DGKB: variants seen among roughly 807,000 people sequenced by gnomAD.
DGKB encodes the protein 90 kDa diacylglycerol kinase.
Under a neutral mutation model 114.3 loss-of-function variants are expected in DGKB, and 67 were observed. The observed-to-expected ratio is 0.59, with a 90% CI of 0.48 to 0.72. DGKB has a LOEUF of 0.72. Among genes scored for constraint, DGKB ranks in the 30% least tolerant of loss-of-function variants. The pLI is 0.00. For missense variants in DGKB, 907 were observed against 975.2 expected (o/e 0.93, Z 0.93); for synonymous variants, 398 against 323.1 (o/e 1.23, Z -2.49).
In DGKB at chr7:14,613,425, G is replaced by T; in HGVS notation, c.1285-12C>A. 1.3e-6 allele frequency: 2 copies of T among 1,496,032 alleles called. No homozygotes were observed. Among genetic ancestry groups the T allele is most frequent in the African/African-American group, 1.4e-5 (1 of 72,018 alleles). 92.7% of individuals were successfully genotyped at this position (1,496,032 alleles called of 1,614,324 possible). On this transcript the variant is annotated splice_polypyrimidine_tract_variant and intron_variant, in intron 15 of 25. Coordinates refer to ENST00000402815, the MANE Select transcript of DGKB (RefSeq NM_001350709.2). ...GGCACAGGAGTGACCTATAAGAAAA[G>T]TTATATACATGGAAAAATTATTAGG...
chr7:14,525,963 T>C (rs928550524), intron 20 of DGKB, among the ~76,000 whole-genome samples: 2 of 152,174 alleles, frequency 1.3e-5, no homozygotes, highest in Non-Finnish European at 1.5e-5. Context: ...ATTTTACATA[T>C]GCTGAAAAAT....
chr7:14,618,074 T>A (rs139754259), intron 15 of DGKB, among the ~76,000 whole-genome samples: 1 of 151,452 alleles, frequency 6.6e-6, no homozygotes, highest in Non-Finnish European at 1.5e-5. Context: ...GTGCTAAGTA[T>A]GAAACAGTCA....
chr7:14,278,224 A>G (rs1383649410), intron 23 of DGKB, among the ~76,000 whole-genome samples: 8 of 148,584 alleles, frequency 5.4e-5, no homozygotes, highest in Admixed American at 5.3e-4. Context: ...GGGGCATCAC[A>G]TGCCCTGAGT....
rs146776435 is a variant in DGKB at position 14,913,190 on chromosome 7, A to T, written c.-188+61506T>A. ...TCTCTGCCCTGAAAGATTGATGGCG[A>T]TGTGACCTTTTCCTTGCTTTGTTTG... On this transcript the variant is annotated intron_variant, in intron 1 of 4. Transcript: ENST00000437998. Among the ~76,000 whole-genome samples, 114 of 152,008 alleles carry T rather than the reference A, an allele frequency of 7.5e-4. 1 individual carries two copies. In the East Asian group the frequency reaches 0.014, roughly 19 times the overall value.
chr7:14,313,998 C>T (rs1000250401), intron 23 of DGKB, among the ~76,000 whole-genome samples: 8 of 152,112 alleles, frequency 5.3e-5, no homozygotes, highest in African/African-American at 1.5e-4. Context: ...AGTTTAACTG[C>T]GAGGCACCCT....
intron 2 of DGKB, among the ~76,000 whole-genome samples, chr7:14,798,806 T>C (rs1472009064): frequency 6.6e-6 from 1 of 152,222 alleles, no homozygotes. Flanking sequence ...AGTTCCAGAA[T>C]GCCTAATTGT....
intron 1 of DGKB, among the ~76,000 whole-genome samples, chr7:14,926,515 G>T (rs1461459528): frequency 6.7e-6 from 1 of 149,424 alleles, no homozygotes. Flanking sequence ...TTTTTTTAGT[G>T]GTAAGTGGGA....
chr7:14,170,224 G>A (rs1290536268), intron 25 of DGKB, among the ~76,000 whole-genome samples: 3 of 150,966 alleles, frequency 2.0e-5, no homozygotes, highest in African/African-American at 7.3e-5. Context: ...CCTCTGAAGA[G>A]TGACTGAGTG....
At chr7:14,806,610 T>A (rs977244970) in intron 2 of DGKB, among the ~76,000 whole-genome samples, 1 of 152,092 alleles carries the variant, frequency 6.6e-6, no homozygotes, top group Non-Finnish European at 1.5e-5. Context: ...TCTTAACTCA[T>A]GTGGCACCTC....
chr7:14,654,999 G>T (rs1052621350), intron 13 of DGKB, among the ~76,000 whole-genome samples: 2 of 151,774 alleles, frequency 1.3e-5, no homozygotes, highest in East Asian at 3.9e-4. Flanking sequence ...GGTTACAAAG[G>T]CACAGGTACC....
intron 19 of DGKB, among the ~76,000 whole-genome samples, chr7:14,575,753 A>G (rs1400725077): frequency 6.6e-6 from 1 of 152,146 alleles, no homozygotes; most frequent in Non-Finnish European, 1.5e-5. Flanking sequence ...TCGGAACAAC[A>G]TTTTCAGTTT....
Position 14,176,821 on chromosome 7 carries a change from C to G in DGKB, c.2304+18G>C, listed in dbSNP as rs769108229. On this transcript the variant is annotated intron_variant, in intron 25 of 25. Transcript: ENST00000402815. Reference sequence around the variant, plus strand: ...CAAAACTGAGATTGACATAGCATATCAACTACTCTGTACTCACTGTGCATG... The same window carrying G: ...CAAAACTGAGATTGACATAGCATATGAACTACTCTGTACTCACTGTGCATG... 1 of 1,607,950 alleles carries G rather than the reference C, an allele frequency of 6.2e-7. No individual in the cohort carries two copies. The highest frequency in any genetic ancestry group is 2.2e-5 in the East Asian group (1 of 44,638).
At chr7:14,205,555 A>G (rs769358194) in intron 23 of DGKB, among the ~76,000 whole-genome samples, 21 of 152,016 alleles carry the variant, frequency 1.4e-4, no homozygotes, top group Non-Finnish European at 2.8e-4. Flanking sequence ...GTTTTAAAAA[A>G]TAAGTGGATT....
chr7:14,729,135 T>TTTCTTTTTTTTC (rs1830473576), intron 5 of DGKB, among the ~76,000 whole-genome samples: 1 of 146,848 alleles, frequency 6.8e-6, no homozygotes, highest in African/African-American at 2.5e-5. Context: ...TTTTTTTTTT[T>TTTCTTTTTTTTC]TTTTTTTGAT....
chr7:14,729,188 T>A (rs868048209), intron 5 of DGKB, among the ~76,000 whole-genome samples: 45 of 143,560 alleles, frequency 3.1e-4, no homozygotes, highest in African/African-American at 1.1e-3. Context: ...AGTGGCGCCA[T>A]CTCGGCTCAC....
chr7:14,212,387 A>ATTTACTCTCGTGTTTTGTGAT, intron 23 of DGKB, among the ~76,000 whole-genome samples: 13 of 20,272 alleles, frequency 6.4e-4, no homozygotes, highest in Non-Finnish European at 9.3e-4. Flanking sequence ...GTTTTGTGAT[A>ATTTACTCTCGTGTTTTGTGAT]TTTACTCTCA....
At chr7:14,316,219 A>G (rs1022709348) in intron 23 of DGKB, among the ~76,000 whole-genome samples, 1 of 151,954 alleles carries the variant, frequency 6.6e-6, no homozygotes, top group Non-Finnish European at 1.5e-5. Context: ...TCACAATTAA[A>G]AGAACTAGAA....
At chr7:14,533,081 T>TC (rs1017022790) in intron 20 of DGKB, among the ~76,000 whole-genome samples, 19 of 151,932 alleles carry the variant, frequency 1.3e-4, no homozygotes, top group African/African-American at 4.6e-4. Flanking sequence ...AAACTAATTA[T>TC]CTTTAATAAA....
chr7:14,965,974 C>G (rs1167299006), intron 1 of DGKB, among the ~76,000 whole-genome samples: 7 of 152,112 alleles, frequency 4.6e-5, no homozygotes, highest in Admixed American at 3.9e-4. Context: ...ATCTGATACC[C>G]TGGTTGGAGA....
Sources: allele counts gnomAD v4.1 joint callset (sites outside exome capture counted in the v4.1 genomes callset), GRCh38; gene constraint gnomAD v4.1.1; transcripts MANE v1.5; gene names NCBI Gene and HGNC (gene_info 2026-07-23, HGNC 2026-07-21).